Variants in CCBE1 observed in about 807,000 individuals in gnomAD.
CCBE1 encodes the protein collagen and calcium-binding EGF domain-containing protein 1.
A neutral mutation model predicts 50.0 loss-of-function variants in CCBE1; 37 were observed. The ratio of observed to expected loss-of-function variants is 0.74; its 90% CI spans 0.57 to 0.97. The LOEUF is 0.97. Among genes scored for constraint, CCBE1 ranks in the 50% least tolerant of loss-of-function variants. The pLI is 0.00. For synonymous variants in CCBE1, 234 were observed against 203.7 expected (o/e 1.15, Z -1.27); for missense variants, 538 against 523.8 (o/e 1.03, Z -0.26).
intron 2 of CCBE1, among the ~76,000 whole-genome samples, chr18:59,511,059 C>T (rs1308045967): frequency 1.3e-5 from 2 of 152,192 alleles, no homozygotes; most frequent in African/African-American, 2.4e-5. Context: ...CTGCTGAAGA[C>T]AAGGGATTCA....
intron 2 of CCBE1, among the ~76,000 whole-genome samples, chr18:59,529,888 A>C (rs527784755): frequency 1.3e-5 from 2 of 152,236 alleles, no homozygotes; most frequent in South Asian, 4.1e-4. Context: ...CTGTGCTCTC[A>C]AACCTATACT....
intron 2 of CCBE1, among the ~76,000 whole-genome samples, chr18:59,647,489 T>C (rs576166271): frequency 1.5e-4 from 23 of 152,394 alleles, no homozygotes; most frequent in African/African-American, 4.8e-4. Context: ...TCCAGATTTT[T>C]TTCTGCTTTT....
intron 2 of CCBE1, among the ~76,000 whole-genome samples, chr18:59,571,016 C>G (rs1010984946): frequency 1.3e-5 from 2 of 152,090 alleles, no homozygotes; most frequent in Non-Finnish European, 2.9e-5. Context: ...TGAGTTGTAA[C>G]GTATGAACTT....
intron 2 of CCBE1, among the ~76,000 whole-genome samples, chr18:59,509,327 A>AAT (rs939507057): frequency 3.2e-4 from 49 of 151,782 alleles, no homozygotes; most frequent in African/African-American, 4.3e-4. Flanking sequence ...TATACACATA[A>AAT]ATATATATAT....
In CCBE1 at chr18:59,681,410, A is replaced by G. The variant is rs1250900177; in HGVS notation, c.212+15219T>C. ...AAGATGTGTAAGAAATTTTATGAGA[A>G]AGCTGATCTGATGTCCCCTTTTCTT... On this transcript the variant is annotated intron_variant, in intron 2 of 10. Transcript: ENST00000439986. Among the ~76,000 whole-genome samples the G allele has an allele frequency of 2.0e-5, 3 of 152,252 alleles. No homozygotes were observed. The East Asian group carries it at 5.8e-4, about 29-fold the overall frequency.
intron 2 of CCBE1, among the ~76,000 whole-genome samples, chr18:59,482,046 T>TA (rs1379438029): frequency 6.6e-6 from 1 of 152,154 alleles, no homozygotes; most frequent in Non-Finnish European, 1.5e-5. Context: ...CTCCCTCCCC[T>TA]TGCTCCCCAT....
intron 2 of CCBE1, among the ~76,000 whole-genome samples, chr18:59,627,471 A>G (rs1211861587): frequency 6.6e-6 from 1 of 152,196 alleles, no homozygotes; most frequent in Non-Finnish European, 1.5e-5. Flanking sequence ...TCCAAGTCCT[A>G]CTTCCTGGTA....
chr18:59,565,848 A>G (rs900026964), intron 2 of CCBE1, among the ~76,000 whole-genome samples: 1 of 151,926 alleles, frequency 6.6e-6, no homozygotes, highest in Non-Finnish European at 1.5e-5. Flanking sequence ...TTTCTCCCCA[A>G]AGAAAATCGA....
intron 2 of CCBE1, among the ~76,000 whole-genome samples, chr18:59,541,103 C>G (rs527618822): frequency 2.6e-5 from 4 of 152,274 alleles, no homozygotes; most frequent in Admixed American, 2.0e-4. Context: ...TGTCATTAAT[C>G]GGTTAGAGTA....
chr18:59,685,061 G>A (rs2054638447), intron 2 of CCBE1, among the ~76,000 whole-genome samples: 1 of 152,154 alleles, frequency 6.6e-6, no homozygotes, highest in African/African-American at 2.4e-5. Flanking sequence ...ACACTGAAAA[G>A]CTTTCATTTA....
chr18:59,481,169 G>A (rs1912552732), intron 2 of CCBE1, among the ~76,000 whole-genome samples: 1 of 152,144 alleles, frequency 6.6e-6, no homozygotes, highest in African/African-American at 2.4e-5. Flanking sequence ...TTATAGAACT[G>A]ACAAATAGAT....
intron 2 of CCBE1, among the ~76,000 whole-genome samples, chr18:59,601,119 C>T (rs906036886): frequency 1.4e-5 from 2 of 143,886 alleles, no homozygotes; most frequent in Non-Finnish European, 3.0e-5. Flanking sequence ...GCAACCTCTG[C>T]CTCCCAGGCT....
intron 2 of CCBE1, among the ~76,000 whole-genome samples, chr18:59,515,227 G>A (rs144915660): frequency 6.6e-6 from 1 of 152,312 alleles, no homozygotes; most frequent in African/African-American, 2.4e-5. Flanking sequence ...TGTCTGTAAA[G>A]TTTGCTAGCT....
chr18:59,563,030 A>AT (rs1457731539), intron 2 of CCBE1, among the ~76,000 whole-genome samples: 5 of 152,204 alleles, frequency 3.3e-5, no homozygotes, highest in Non-Finnish European at 7.3e-5. Flanking sequence ...GAGTTTATGT[A>AT]TTTTTGTTCT....
At chr18:59,508,838 T>G (rs1914005330) in intron 2 of CCBE1, among the ~76,000 whole-genome samples, 1 of 148,108 alleles carries the variant, frequency 6.8e-6, no homozygotes, top group Non-Finnish European at 1.5e-5. Context: ...CACCTCAGCC[T>G]CCTGAGTAGC....
chr18:59,448,517 C>T (rs958808332), intron 6 of CCBE1, among the ~76,000 whole-genome samples: 2 of 152,112 alleles, frequency 1.3e-5, no homozygotes, highest in Admixed American at 6.5e-5. Context: ...ATGGTTCCTG[C>T]CCTTAAAGAA....
At chr18:59,611,605 G>A (rs1472020728) in intron 2 of CCBE1, among the ~76,000 whole-genome samples, 2 of 152,154 alleles carry the variant, frequency 1.3e-5, no homozygotes, top group African/African-American at 2.4e-5. Flanking sequence ...AAATAGCTGG[G>A]CATGGTGGCA....
chr18:59,666,856 C>T (rs898295449), intron 2 of CCBE1, among the ~76,000 whole-genome samples: 1 of 152,076 alleles, frequency 6.6e-6, no homozygotes, highest in African/African-American at 2.4e-5. Context: ...TCCCAGCTTT[C>T]CAGGAGCCTG....
intron 5 of CCBE1, among the ~76,000 whole-genome samples, chr18:59,457,104 G>A (rs183683019): frequency 4.4e-4 from 67 of 152,302 alleles, no homozygotes; most frequent in African/African-American, 1.6e-3. Flanking sequence ...AAAAACACTT[G>A]AACCTCTGCA....
Sources: gnomAD v4.1 joint callset for allele counts (sites outside exome capture counted in the v4.1 genomes callset) on GRCh38, gnomAD v4.1.1 for gene constraint, MANE v1.5 for transcripts, NCBI Gene and HGNC (gene_info 2026-07-23, HGNC 2026-07-21) for gene names.